The following NGEF variants were observed in gnomAD, a reference collection of about 807,000 sequenced individuals.
The protein encoded by NGEF is neuronal guanine nucleotide exchange factor, also known as ephexin-1.
Under a neutral mutation model 80.9 loss-of-function variants are expected in NGEF, and 31 were observed. That is an observed-to-expected ratio of 0.38 (90% CI 0.29 to 0.52). The LOEUF (loss-of-function observed/expected upper bound fraction) is 0.52. NGEF is among the 20% of genes least tolerant of loss of function. The probability of loss-of-function intolerance (pLI) is 0.84; values close to 1 mark genes in which losing one functional copy is unlikely to be tolerated. For synonymous variants in NGEF, 371 were observed against 370.2 expected (o/e 1.00, Z -0.03); for missense variants, 709 against 926.2 (o/e 0.77, Z 3.04).
At chr2:232,886,339 A>G (rs965132561) in intron 9 of NGEF, among the ~76,000 whole-genome samples, 1 of 148,738 alleles carries the variant, frequency 6.7e-6, no homozygotes, top group African/African-American at 2.5e-5. Flanking sequence ...TGCAGTGTGT[A>G]CTGTGTGATG....
intron 5 of NGEF, among the ~76,000 whole-genome samples, chr2:232,908,507 T>C (rs1286179448): frequency 6.6e-6 from 1 of 152,124 alleles, no homozygotes; most frequent in African/African-American, 2.4e-5. Context: ...TTTATGATTT[T>C]AGTGAGTTTG....
At chr2:232,954,553 G>A (rs571790304) in intron 3 of NGEF, among the ~76,000 whole-genome samples, 6 of 151,756 alleles carry the variant, frequency 4.0e-5, no homozygotes, top group Non-Finnish European at 5.9e-5. Flanking sequence ...GTGAAACGCC[G>A]TCTCTACTAA....
intron 1 of NGEF, among the ~76,000 whole-genome samples, chr2:233,006,037 G>A (rs1035713404): frequency 8.5e-5 from 13 of 152,064 alleles, no homozygotes; most frequent in African/African-American, 2.4e-4. Flanking sequence ...AGCTGGTCTC[G>A]AACTCTTGAC....
intron 1 of NGEF, among the ~76,000 whole-genome samples, chr2:232,975,696 C>T (rs551073437): frequency 1.3e-5 from 2 of 152,150 alleles, no homozygotes; most frequent in Admixed American, 6.5e-5. Flanking sequence ...GTGCTCAGGG[C>T]GAGAGACTAT....
At chr2:233,008,700 C>T (rs1695139501) in intron 1 of NGEF, among the ~76,000 whole-genome samples, 1 of 152,162 alleles carries the variant, frequency 6.6e-6, no homozygotes, top group South Asian at 2.1e-4. Context: ...TGGTAGGAAA[C>T]ATACTCATTA....
At chr2:232,966,858 G>T (rs527508618) in intron 3 of NGEF, among the ~76,000 whole-genome samples, 2 of 151,722 alleles carry the variant, frequency 1.3e-5, no homozygotes, top group African/African-American at 4.9e-5. Flanking sequence ...AGTGAGGGTG[G>T]GGGGGGAGGC....
In NGEF at chr2:232,970,223, TG is replaced by T; in HGVS notation, c.373del (p.Gln125ArgfsTer3). On this transcript the variant is annotated frameshift_variant, in exon 3 of 15. Coordinates refer to ENST00000264051, the MANE Select transcript of NGEF (RefSeq NM_019850.3). LOFTEE classifies it high-confidence loss of function. ...RTAMQTDPGA[Q>X]EMSESSSTPG... ...ATCTGCCATCTCTTACCTCATTTCC[TG>T]GGCTCCTGGGTCTGTCTGCATTGCT... 6.3e-7 allele frequency: 1 copy of T among 1,578,548 alleles called. No individual in the cohort carries two copies. Among genetic ancestry groups the T allele is most frequent in the Non-Finnish European group, 8.6e-7 (1 of 1,166,060 alleles).
rs1050709715 is a variant in NGEF at position 232,899,251 on chromosome 2, C to T, written c.829-4335G>A. 2.1e-5 allele frequency among the ~76,000 whole-genome samples: 3 copies of T among 145,048 alleles called. No homozygotes were observed. The Admixed American group carries it at 2.1e-4, about 10-fold the overall frequency. The stretch of plus-strand genomic sequence containing the variant: ...TGTGCATATGAGGGGGGCGTGTGAA[C>T]GTACGTGTCACTACAGAAGCTCCTC... On this transcript the variant is annotated intron_variant, in intron 5 of 14. Transcript: ENST00000264051.
At chr2:232,882,073 A>T in intron 13 of NGEF, 113 bp downstream of exon 13, 1 of 965,718 alleles carries the variant, frequency 1.0e-6, no homozygotes, top group Non-Finnish European at 1.6e-6. Flanking sequence ...CAGGCCTCTG[A>T]GACCACCAGC....
chr2:232,900,680 A>T (rs1422110282), intron 5 of NGEF, among the ~76,000 whole-genome samples: 1 of 128,694 alleles, frequency 7.8e-6, no homozygotes, highest in Non-Finnish European at 1.6e-5. Flanking sequence ...ACACGCTCTC[A>T]GTCACTCATA....
intron 8 of NGEF, among the ~76,000 whole-genome samples, chr2:232,888,704 C>T (rs890185068): frequency 2.6e-5 from 4 of 152,182 alleles, no homozygotes; most frequent in Admixed American, 6.5e-5. Flanking sequence ...TAAATGCTTA[C>T]GGGACAGGGG....
chr2:232,884,952 C>A (rs1691626489), intron 10 of NGEF: 2 of 232,730 alleles, frequency 8.6e-6, no homozygotes, highest in East Asian at 9.8e-5. Context: ...TGGAGCAGCA[C>A]CCCCCACATC....
At chr2:232,988,496 A>T (rs933173800) in intron 1 of NGEF, among the ~76,000 whole-genome samples, 1 of 152,234 alleles carries the variant, frequency 6.6e-6, no homozygotes, top group Non-Finnish European at 1.5e-5. Context: ...AGCCAAGGGC[A>T]GCAGGCAGCC....
chr2:232,943,640 C>T (rs1022668903), intron 3 of NGEF, among the ~76,000 whole-genome samples: 32 of 151,160 alleles, frequency 2.1e-4, no homozygotes, highest in African/African-American at 7.0e-4. Flanking sequence ...GGACTACAGG[C>T]GCCCGCCACT....
chr2:232,942,067 T>C (rs1388459105), intron 3 of NGEF, among the ~76,000 whole-genome samples: 1 of 152,128 alleles, frequency 6.6e-6, no homozygotes, highest in African/African-American at 2.4e-5. Context: ...CCACCTCCAC[T>C]CAAAGGCAGG....
At chr2:232,998,696 A>G (rs1694907287) in intron 1 of NGEF, among the ~76,000 whole-genome samples, 1 of 152,032 alleles carries the variant, frequency 6.6e-6, no homozygotes, top group African/African-American at 2.4e-5. Context: ...GTGGTGGTGG[A>G]TGGGTGGGTG....
At chr2:232,945,540 C>G (rs905423111) in intron 3 of NGEF, among the ~76,000 whole-genome samples, 27 of 152,036 alleles carry the variant, frequency 1.8e-4, no homozygotes, top group Non-Finnish European at 1.0e-4. Flanking sequence ...ATTGGAAGAG[C>G]TTGGGGTGAG....
chr2:232,995,895 T>C (rs996376832), intron 1 of NGEF, among the ~76,000 whole-genome samples: 8 of 151,320 alleles, frequency 5.3e-5, no homozygotes, highest in Non-Finnish European at 8.8e-5. Context: ...AATACATATA[T>C]GGATATGTGT....
At chr2:232,916,087 AC>A (rs1339055583) in intron 5 of NGEF, among the ~76,000 whole-genome samples, 1 of 152,252 alleles carries the variant, frequency 6.6e-6, no homozygotes, top group African/African-American at 2.4e-5. Flanking sequence ...TAATCATAAG[AC>A]ACAACATCCG....
Sources: allele counts gnomAD v4.1 joint callset (sites outside exome capture counted in the v4.1 genomes callset), GRCh38; gene constraint gnomAD v4.1.1; transcripts MANE v1.5; gene names NCBI Gene and HGNC (gene_info 2026-07-23, HGNC 2026-07-21).